Variants in TRPM3 observed in about 807,000 individuals in gnomAD.
The protein encoded by TRPM3 is long transient receptor potential channel 3.
In TRPM3, 77 loss-of-function variants were observed where a neutral mutation model predicts 181.2. The observed-to-expected ratio is 0.42, with a 90% CI of 0.35 to 0.51. The LOEUF is 0.51. Among genes scored for constraint, TRPM3 ranks in the 20% least tolerant of loss-of-function variants. The pLI, the probability that TRPM3 is intolerant of heterozygous loss-of-function variation, is 0.01. For synonymous variants in TRPM3, 745 were observed against 796.4 expected (o/e 0.94, Z 1.09); for missense variants, 1,759 against 2,196.7 (o/e 0.80, Z 3.98).
intron 22 of TRPM3, among the ~76,000 whole-genome samples, chr9:70,580,542 G>A (rs1275774357): frequency 6.6e-6 from 1 of 150,970 alleles, no homozygotes; most frequent in African/African-American, 2.4e-5. Flanking sequence ...GGAGTACCTC[G>A]GACACAGAAC....
At chr9:70,879,516 T>A (rs1189958082) in intron 1 of TRPM3, among the ~76,000 whole-genome samples, 2 of 152,058 alleles carry the variant, frequency 1.3e-5, no homozygotes, top group African/African-American at 4.8e-5. Flanking sequence ...CTATCCTGAC[T>A]AATAGCGTGC....
intron 9 of TRPM3, among the ~76,000 whole-genome samples, chr9:70,680,022 C>T (rs1027997056): frequency 6.6e-6 from 1 of 152,080 alleles, no homozygotes; most frequent in African/African-American, 2.4e-5. Context: ...TCAAGCTGGA[C>T]ACATGATATG....
chr9:70,533,287 G>C lies in TRPM3; in HGVS notation c.*2666C>G, dbSNP rs771506387. The C allele has an allele frequency of 6.6e-6, 1 of 152,134 alleles. No individual in the cohort carries two copies. Among genetic ancestry groups the C allele is most frequent in the Non-Finnish European group, 1.5e-5 (1 of 68,024 alleles). The allele number at this position is 152,134 out of a possible 1,614,324, so 9.4% of individuals were successfully genotyped here. The stretch of plus-strand genomic sequence containing the variant: ...CACCTCCTTCTTGGATTCCTCTATA[G>C]ACCCTTCAGGGAGACTTCAGCATTG... On this transcript the variant is annotated 3_prime_UTR_variant, in exon 26 of 26. Coordinates refer to ENST00000677713, the MANE Select transcript of TRPM3 (RefSeq NM_001366145.2).
At chr9:70,831,962 AATATATATATAT>A (rs71367232) in intron 5 of TRPM3, among the ~76,000 whole-genome samples, 18 of 64,244 alleles carry the variant, frequency 2.8e-4, no homozygotes, top group East Asian at 9.3e-4. Context: ...GTACCCCATA[AATATATATATAT>A]ATATATATAT....
intron 8 of TRPM3, among the ~76,000 whole-genome samples, chr9:70,743,696 A>G (rs192107180): frequency 6.6e-6 from 1 of 152,214 alleles, no homozygotes; most frequent in Non-Finnish European, 1.5e-5. Context: ...GATTCTGCCT[A>G]GGGATGCAGA....
intron 7 of TRPM3, among the ~76,000 whole-genome samples, chr9:70,781,571 T>C (rs2082472099): frequency 6.6e-6 from 1 of 151,878 alleles, no homozygotes; most frequent in Non-Finnish European, 1.5e-5. Flanking sequence ...CATTTGAATA[T>C]TTACAAAACA....
At chr9:70,777,017 G>A (rs530028982) in intron 7 of TRPM3, among the ~76,000 whole-genome samples, 1 of 152,018 alleles carries the variant, frequency 6.6e-6, no homozygotes, top group South Asian at 2.1e-4. Context: ...TGATAACCAC[G>A]TTTATTTGGA....
At chr9:71,288,521 C>A (rs188863477) in intron 1 of TRPM3, among the ~76,000 whole-genome samples, 84 of 152,200 alleles carry the variant, frequency 5.5e-4, no homozygotes, top group African/African-American at 3.4e-4. Context: ...TAGTTTTACA[C>A]ATGCACACAC....
Position 70,788,857 on chromosome 9 carries a change from G to A in TRPM3, c.974-4578C>T, listed in dbSNP as rs560340104. Among the ~76,000 whole-genome samples the A allele has an allele frequency of 2.6e-5, 4 of 152,198 alleles. No homozygotes were observed. The South Asian group carries it at 8.3e-4, about 32-fold the overall frequency. On this transcript the variant is annotated intron_variant, in intron 6 of 25. Transcript: ENST00000677713. ...TTCACAATAGGGCTCACGCTCCTATGCAGCTGATCTGACAGGAGGCAGAGT... is the reference window on the plus strand; with the variant it reads ...TTCACAATAGGGCTCACGCTCCTATACAGCTGATCTGACAGGAGGCAGAGT...
At chr9:70,663,363 A>G (rs2061388465) in intron 9 of TRPM3, among the ~76,000 whole-genome samples, 1 of 152,094 alleles carries the variant, frequency 6.6e-6, no homozygotes, top group Non-Finnish European at 1.5e-5. Flanking sequence ...TTCAACCCAA[A>G]CCACCCATAC....
At chr9:71,034,870 T>A (rs1310082808) in intron 1 of TRPM3, among the ~76,000 whole-genome samples, 2 of 152,114 alleles carry the variant, frequency 1.3e-5, no homozygotes, top group African/African-American at 2.4e-5. Context: ...TGTATATATG[T>A]ATACATTCTA....
intron 1 of TRPM3, among the ~76,000 whole-genome samples, chr9:71,069,803 T>C (rs1305060629): frequency 6.6e-6 from 1 of 151,770 alleles, no homozygotes; most frequent in Non-Finnish European, 1.5e-5. Context: ...AGATGGGTTT[T>C]TGCCATGTTA....
chr9:71,165,166 C>A (rs1037848589), intron 1 of TRPM3, among the ~76,000 whole-genome samples: 1 of 152,094 alleles, frequency 6.6e-6, no homozygotes, highest in African/African-American at 2.4e-5. Flanking sequence ...CTGTGTAAAC[C>A]CGTGGGCAAG....
chr9:71,082,849 T>C (rs1487297759), intron 1 of TRPM3, among the ~76,000 whole-genome samples: 1 of 152,088 alleles, frequency 6.6e-6, no homozygotes, highest in Non-Finnish European at 1.5e-5. Flanking sequence ...AAAAACACAA[T>C]AGATATTAAG....
chr9:71,109,248 T>C (rs1441915117), intron 1 of TRPM3, among the ~76,000 whole-genome samples: 1 of 152,114 alleles, frequency 6.6e-6, no homozygotes, highest in Non-Finnish European at 1.5e-5. Flanking sequence ...AGCCAATTCC[T>C]TAAAATAATC....
chr9:71,251,480 TAAA>T (rs1027733238), intron 1 of TRPM3, among the ~76,000 whole-genome samples: 2 of 152,098 alleles, frequency 1.3e-5, no homozygotes, highest in Non-Finnish European at 2.9e-5. Context: ...TTTAACTAAA[TAAA>T]AAAATTATAG....
chr9:71,366,269 C>G (rs1336260785), intron 1 of TRPM3, among the ~76,000 whole-genome samples: 5 of 152,132 alleles, frequency 3.3e-5, no homozygotes, highest in African/African-American at 4.8e-5. Flanking sequence ...GCACCTTTAT[C>G]CTACTACTGT....
At chr9:71,210,192 C>T (rs1215416716) in intron 1 of TRPM3, among the ~76,000 whole-genome samples, 3 of 152,074 alleles carry the variant, frequency 2.0e-5, no homozygotes, top group African/African-American at 7.2e-5. Flanking sequence ...CTTTTGTGAA[C>T]TATACATGTG....
At chr9:70,822,235 CA>C (rs755785626) in intron 6 of TRPM3, among the ~76,000 whole-genome samples, 5 of 152,184 alleles carry the variant, frequency 3.3e-5, no homozygotes, top group Non-Finnish European at 7.3e-5. Flanking sequence ...CACCGCTTCT[CA>C]AAAACTTTGT....
Sources: gnomAD v4.1 joint callset for allele counts (sites outside exome capture counted in the v4.1 genomes callset) on GRCh38, gnomAD v4.1.1 for gene constraint, MANE v1.5 for transcripts, NCBI Gene and HGNC (gene_info 2026-07-23, HGNC 2026-07-21) for gene names.